The following ADAMTSL1 variants were observed in gnomAD, a reference collection of about 807,000 sequenced individuals.
ADAMTSL1 encodes ADAMTS-like protein 1.
Under a neutral mutation model 201.8 loss-of-function variants are expected in ADAMTSL1, and 126 were observed. That is an observed-to-expected ratio of 0.62 (90% CI 0.54 to 0.72). ADAMTSL1 has a LOEUF of 0.72. Ranked by LOEUF, ADAMTSL1 falls within the 30% of genes least tolerant of loss-of-function variation. The pLI, the probability that ADAMTSL1 is intolerant of heterozygous loss-of-function variation, is 0.00. For synonymous variants in ADAMTSL1, 1,121 were observed against 903.4 expected (o/e 1.24, Z -4.32); for missense variants, 2,679 against 2,277.8 (o/e 1.18, Z -3.59).
chr9:18,472,119 A>AATTC (rs923893784), upstream of ADAMTSL1, among the ~76,000 whole-genome samples: 2 of 152,200 alleles, frequency 1.3e-5, no homozygotes, highest in African/African-American at 4.8e-5. Context: ...AACTAGCTGA[A>AATTC]ACTCTTCAGT....
intron 1 of ADAMTSL1, among the ~76,000 whole-genome samples, chr9:17,913,256 G>A (rs1006401670): frequency 1.3e-5 from 2 of 152,084 alleles, no homozygotes; most frequent in Admixed American, 1.3e-4. Context: ...GCTTGATGGG[G>A]ATGGCATTGA....
intron 2 of ADAMTSL1, among the ~76,000 whole-genome samples, chr9:18,320,959 A>G (rs1027307989): frequency 6.6e-6 from 1 of 152,090 alleles, no homozygotes; most frequent in African/African-American, 2.4e-5. Context: ...AAATAACAAA[A>G]TAATAGATAT....
At chr9:18,695,944 G>A (rs766117958) in intron 13 of ADAMTSL1, among the ~76,000 whole-genome samples, 1 of 152,194 alleles carries the variant, frequency 6.6e-6, no homozygotes, top group Non-Finnish European at 1.5e-5. Context: ...GAGGCCACAG[G>A]AAATTTACAA....
At chr9:18,316,339 C>T (rs969427136) in intron 2 of ADAMTSL1, among the ~76,000 whole-genome samples, 1 of 152,082 alleles carries the variant, frequency 6.6e-6, no homozygotes, top group African/African-American at 2.4e-5. Context: ...TGGGAATTTC[C>T]TCTTCCTAAT....
At chr9:18,136,488 G>A (rs1441580321) in intron 1 of ADAMTSL1, among the ~76,000 whole-genome samples, 2 of 152,096 alleles carry the variant, frequency 1.3e-5, no homozygotes, top group Non-Finnish European at 2.9e-5. Context: ...AGAGATAACT[G>A]TGTAAACAGG....
chr9:18,599,107 A>G (rs553548699), intron 4 of ADAMTSL1, among the ~76,000 whole-genome samples: 11 of 152,276 alleles, frequency 7.2e-5, no homozygotes, highest in African/African-American at 2.4e-4. Context: ...AAGATTTATT[A>G]ATTTGTTGAT....
intron 1 of ADAMTSL1, among the ~76,000 whole-genome samples, chr9:18,081,923 C>T (rs1303915112): frequency 6.6e-6 from 1 of 152,146 alleles, no homozygotes; most frequent in Non-Finnish European, 1.5e-5. Context: ...TTTATATGCA[C>T]TTATGATGTG....
intron 2 of ADAMTSL1, among the ~76,000 whole-genome samples, chr9:18,532,752 T>G (rs766178826): frequency 9.2e-5 from 14 of 151,498 alleles, no homozygotes; most frequent in Non-Finnish European, 1.8e-4. Flanking sequence ...CCAAAACCTC[T>G]GTAATGAGTA....
chr9:18,688,583 G>T lies in ADAMTSL1; in HGVS notation c.1574+3783G>T, dbSNP rs1410983998. ...CTCAGGAGTCTGCGGCTGGAGGGTTGCTTGAGCCTGGGAGGCGGAGGCTGC... is the reference window on the plus strand; with the variant it reads ...CTCAGGAGTCTGCGGCTGGAGGGTTTCTTGAGCCTGGGAGGCGGAGGCTGC... On this transcript the variant is annotated intron_variant, in intron 13 of 28. Transcript: ENST00000380548. 2.8e-4 allele frequency among the ~76,000 whole-genome samples: 40 copies of T among 141,062 alleles called. No individual in the cohort carries two copies. In the Admixed American group the frequency reaches 3.0e-3, roughly 11 times the overall value. The allele number at this position is 141,062 out of a possible 152,430, so 92.5% of individuals were successfully genotyped here. A position where few individuals can be genotyped will look rare whatever the true frequency, so the allele number is the denominator to read the frequency against.
intron 2 of ADAMTSL1, among the ~76,000 whole-genome samples, chr9:18,278,743 T>C (rs896663233): frequency 6.6e-6 from 1 of 152,222 alleles, no homozygotes; most frequent in Non-Finnish European, 1.5e-5. Context: ...TTAAATAAGC[T>C]TTCTTCCACT....
chr9:18,278,352 T>C (rs141622754), intron 2 of ADAMTSL1, among the ~76,000 whole-genome samples: 1 of 152,176 alleles, frequency 6.6e-6, no homozygotes, highest in Non-Finnish European at 1.5e-5. Context: ...GTAATGAACT[T>C]CCACAGCTTT....
intron 1 of ADAMTSL1, among the ~76,000 whole-genome samples, chr9:18,111,032 A>G (rs1167084094): frequency 1.3e-5 from 2 of 152,164 alleles, no homozygotes; most frequent in Non-Finnish European, 2.9e-5. Flanking sequence ...CTCTAAAATG[A>G]TGCTCTCTCC....
chr9:17,915,479 G>C (rs559116782), intron 1 of ADAMTSL1, among the ~76,000 whole-genome samples: 2 of 152,310 alleles, frequency 1.3e-5, no homozygotes, highest in Admixed American at 1.3e-4. Context: ...GATGGACAGT[G>C]TGTCTGTTTC....
intron 14 of ADAMTSL1, 86 bp from the exon 15 acceptor site, chr9:18,721,450 C>A: frequency 6.4e-7 from 1 of 1,551,832 alleles, no homozygotes; most frequent in Non-Finnish European, 8.7e-7. Flanking sequence ...ACAGGGACCT[C>A]CCACCAGCTG....
chr9:18,084,521 C>CAA (rs112911506), intron 1 of ADAMTSL1, among the ~76,000 whole-genome samples: 27 of 136,222 alleles, frequency 2.0e-4, no homozygotes, highest in African/African-American at 6.7e-4. Flanking sequence ...GACTCCATCT[C>CAA]AAAAAAAAAA....
intron 13 of ADAMTSL1, among the ~76,000 whole-genome samples, chr9:18,694,538 G>A (rs1351542658): frequency 3.3e-5 from 5 of 152,178 alleles, no homozygotes; most frequent in African/African-American, 1.2e-4. Context: ...CAGACCCCGT[G>A]CAAGTCAGAA....
chr9:18,245,782 C>T (rs10733350), intron 2 of ADAMTSL1, among the ~76,000 whole-genome samples: 151,117 of 152,156 alleles, frequency 0.99, 75,053 homozygotes, highest in Middle Eastern at 1. Flanking sequence ...AATGATGCAT[C>T]TTGAGTAGCA....
chr9:18,882,903 G>A (rs1205547813), intron 23 of ADAMTSL1, among the ~76,000 whole-genome samples: 2 of 150,880 alleles, frequency 1.3e-5, no homozygotes, highest in African/African-American at 4.9e-5. Context: ...GAGGTGGGAG[G>A]ATCACTTGAG....
chr9:18,632,715 G>T (rs189094222), intron 5 of ADAMTSL1, among the ~76,000 whole-genome samples: 58 of 152,274 alleles, frequency 3.8e-4, no homozygotes, highest in Admixed American at 6.5e-4. Context: ...TTTGCAGATC[G>T]TTTAATGTCT....
Sources: allele counts gnomAD v4.1 joint callset (sites outside exome capture counted in the v4.1 genomes callset), GRCh38; gene constraint gnomAD v4.1.1; transcripts MANE v1.5; gene names NCBI Gene and HGNC (gene_info 2026-07-23, HGNC 2026-07-21).